CCDC148: variants seen among roughly 807,000 people sequenced by gnomAD.
CCDC148 encodes the protein coiled-coil domain-containing protein 148.
CCDC148 carries 89 observed loss-of-function variants against 85.7 expected under a neutral mutation model. That is an observed-to-expected ratio of 1.04 (90% CI 0.87 to 1.24). CCDC148 has a LOEUF of 1.24. CCDC148 is among the 50% of genes most tolerant of loss of function. The probability of loss-of-function intolerance (pLI) is 0.00; values close to 1 mark genes in which losing one functional copy is unlikely to be tolerated. For synonymous variants in CCDC148, 230 were observed against 213.9 expected (o/e 1.08, Z -0.66); for missense variants, 692 against 671.7 (o/e 1.03, Z -0.33).
At chr2:158,272,301 T>A (rs1392362230) in intron 9 of CCDC148, among the ~76,000 whole-genome samples, 1 of 152,114 alleles carries the variant, frequency 6.6e-6, no homozygotes, top group Non-Finnish European at 1.5e-5. Flanking sequence ...ACCAAGACAG[T>A]ATATGAGTCC....
At position 158,273,496 on chromosome 2, in the gene CCDC148, G is replaced by A. The variant is rs925598117; in HGVS notation, c.1111-22584C>T. On this transcript the variant is annotated intron_variant, in intron 9 of 13. Transcript: ENST00000283233. ...TAACAAGAAAGTGCCTGATGGGCAC[G>A]TGCGTCTTTGTTTGCAGACCTCAGG... Among the ~76,000 whole-genome samples, 8 of 152,252 alleles carry A rather than the reference G, an allele frequency of 5.3e-5. No homozygotes were observed. The East Asian group carries it at 9.7e-4, about 18-fold the overall frequency.
At position 158,289,329 on chromosome 2, in the gene CCDC148, C is replaced by A. The variant is rs186366960; in HGVS notation, c.1110+20104G>T. ...ACATACCTGAAAAACATATAACCCA[C>A]AAAGAACTAATATGCAAAATATTTA... On this transcript the variant is annotated intron_variant, in intron 9 of 13. Transcript: ENST00000283233. 4.1e-4 allele frequency among the ~76,000 whole-genome samples: 63 copies of A among 151,902 alleles called. No homozygotes were observed. In the East Asian group the frequency reaches 9.3e-3, roughly 22 times the overall value.
chr2:158,381,010 C>G (rs1419343329), intron 1 of CCDC148: 4 of 152,072 alleles, frequency 2.6e-5, no homozygotes, highest in Admixed American at 6.6e-5. Context: ...TAAAAATGAG[C>G]ATTTTGGAAG....
At chr2:158,183,614 C>T (rs758461279) in intron 11 of CCDC148, among the ~76,000 whole-genome samples, 7 of 152,100 alleles carry the variant, frequency 4.6e-5, no homozygotes, top group Non-Finnish European at 8.8e-5. Flanking sequence ...AGCATAAAGA[C>T]GTATCTTCAT....
At chr2:158,221,287 G>A (rs1687172260) in intron 10 of CCDC148, among the ~76,000 whole-genome samples, 1 of 152,132 alleles carries the variant, frequency 6.6e-6, no homozygotes, top group Admixed American at 6.5e-5. Context: ...TAAAGGTCGA[G>A]CTTATCAAGT....
intron 1 of CCDC148, among the ~76,000 whole-genome samples, chr2:158,411,065 G>A (rs775296106): frequency 2.6e-5 from 4 of 152,074 alleles, no homozygotes; most frequent in Non-Finnish European, 4.4e-5. Context: ...AAGTCTACTG[G>A]TATACTTATG....
At chr2:158,362,409 C>T (rs1683995541) in intron 1 of CCDC148, among the ~76,000 whole-genome samples, 1 of 152,076 alleles carries the variant, frequency 6.6e-6, no homozygotes, top group South Asian at 2.1e-4. Context: ...TAAAATTGAC[C>T]ACAAAGTTGG....
chr2:158,439,392 C>T (rs745657000), intron 1 of CCDC148, among the ~76,000 whole-genome samples: 16 of 152,194 alleles, frequency 1.1e-4, no homozygotes, highest in South Asian at 4.2e-4. Context: ...AACCAAACAC[C>T]GCATGTTCTC....
intron 9 of CCDC148, among the ~76,000 whole-genome samples, chr2:158,295,720 T>C (rs2105193592): frequency 6.8e-6 from 1 of 147,738 alleles, no homozygotes; most frequent in Non-Finnish European, 1.5e-5. Flanking sequence ...TGATGGGACG[T>C]ATTTCAAAAT....
chr2:158,278,826 C>T (rs1258279156), intron 9 of CCDC148, among the ~76,000 whole-genome samples: 1 of 152,258 alleles, frequency 6.6e-6, no homozygotes, highest in Non-Finnish European at 1.5e-5. Context: ...ACTGCCTCCT[C>T]AAGTGGGTCT....
chr2:158,361,581 A>G (rs1005546675), intron 1 of CCDC148, among the ~76,000 whole-genome samples: 1 of 152,196 alleles, frequency 6.6e-6, no homozygotes, highest in East Asian at 1.9e-4. Context: ...ACTAAGCTTC[A>G]TAAGTGAAGG....
chr2:158,419,100 A>G (rs1227581728), intron 1 of CCDC148, among the ~76,000 whole-genome samples: 1 of 152,172 alleles, frequency 6.6e-6, no homozygotes, highest in African/African-American at 2.4e-5. Context: ...GGACATCAAT[A>G]GAATTGTATG....
intron 2 of CCDC148, among the ~76,000 whole-genome samples, chr2:158,353,913 A>G (rs1683472581): frequency 6.6e-6 from 1 of 152,248 alleles, no homozygotes; most frequent in African/African-American, 2.4e-5. Flanking sequence ...GGAACTCAGG[A>G]TTAAGAATCT....
chr2:158,222,994 G>A (rs1420073543), intron 10 of CCDC148, among the ~76,000 whole-genome samples: 1 of 152,146 alleles, frequency 6.6e-6, no homozygotes, highest in Non-Finnish European at 1.5e-5. Context: ...GCAGTGCACC[G>A]AGCATGAGCC....
intron 10 of CCDC148, among the ~76,000 whole-genome samples, chr2:158,226,850 T>C (rs1687566895): frequency 6.6e-6 from 1 of 152,112 alleles, no homozygotes; most frequent in Non-Finnish European, 1.5e-5. Flanking sequence ...GTCAATATCA[T>C]ACTGAATGGG....
chr2:158,218,653 T>C (rs540444779), intron 11 of CCDC148, among the ~76,000 whole-genome samples: 1 of 152,336 alleles, frequency 6.6e-6, no homozygotes, highest in East Asian at 1.9e-4. Context: ...GGCTCTCTTT[T>C]GTTCTGGTAG....
intron 11 of CCDC148, among the ~76,000 whole-genome samples, chr2:158,214,121 T>TAAAAAAAAAAA (rs70990697): frequency 2.1e-5 from 2 of 96,628 alleles, no homozygotes; most frequent in Admixed American, 1.1e-4. Context: ...AACATTGTGG[T>TAAAAAAAAAAA]AAAAAAAAAA....
intron 7 of CCDC148, among the ~76,000 whole-genome samples, chr2:158,335,267 C>A (rs1039870196): frequency 6.6e-6 from 1 of 152,194 alleles, no homozygotes; most frequent in Admixed American, 6.5e-5. Flanking sequence ...TCACAAGCAC[C>A]TAACAAAAGT....
intron 9 of CCDC148, among the ~76,000 whole-genome samples, chr2:158,277,379 G>A (rs1690002361): frequency 6.6e-6 from 1 of 152,104 alleles, no homozygotes; most frequent in Non-Finnish European, 1.5e-5. Flanking sequence ...CACCTACTGA[G>A]AATGTTCCAA....
Sources: gnomAD v4.1 joint callset for allele counts (sites outside exome capture counted in the v4.1 genomes callset) on GRCh38, gnomAD v4.1.1 for gene constraint, MANE v1.5 for transcripts, NCBI Gene and HGNC (gene_info 2026-07-23, HGNC 2026-07-21) for gene names.